Variants in SGK1 observed in about 807,000 individuals in gnomAD.
The protein encoded by SGK1 is serum/glucocorticoid regulated kinase 1.
In SGK1, 26 loss-of-function variants were observed where a neutral mutation model predicts 64.2. That is an observed-to-expected ratio of 0.40 (90% CI 0.30 to 0.56). The LOEUF (loss-of-function observed/expected upper bound fraction) is 0.56, where lower values mean the gene tolerates loss of function less well. Among genes scored for constraint, SGK1 ranks in the 20% least tolerant of loss-of-function variants. The pLI is 0.38. For missense variants in SGK1, 519 were observed against 645.6 expected, an observed-to-expected ratio of 0.80 and a Z score of 2.12; for synonymous variants, 265 against 239.7, an observed-to-expected ratio of 1.11 and a Z score of -0.98.
chr6:134,216,083 CTTTTT>C, intron 2 of SGK1, among the ~76,000 whole-genome samples: 1 of 152,002 alleles, frequency 6.6e-6, no homozygotes, highest in East Asian at 1.9e-4. Context: ...TTTTTTAAAA[CTTTTT>C]TTCTTTTTAT....
intron 3 of SGK1, among the ~76,000 whole-genome samples, chr6:134,206,377 ATATATATTTTTTTTTTTTTTTTTTT>A (rs1775782750): frequency 2.4e-4 from 1 of 4,154 alleles, no homozygotes; most frequent in African/African-American, 6.5e-4. Context: ...ATATATATAT[ATATATATTTTTTTTTTTTTTTTTTT>A]TTTTTAAATG....
chr6:134,313,147 G>T (rs766881809), intron 1 of SGK1, among the ~76,000 whole-genome samples: 42 of 152,218 alleles, frequency 2.8e-4, no homozygotes, highest in Non-Finnish European at 4.8e-4. Context: ...TGCCATTTAA[G>T]TCATAGTTAT....
rs774293626 is a variant in SGK1 at position 134,174,546 on chromosome 6, A to G, written c.402T>C (p.Ile134=). ...KQRRMGLNDF[I]QKIANNSYAC... is the part of the protein sequence containing the mutation. The stretch of plus-strand genomic sequence containing the variant: ...CATAGGAGTTATTGGCAATCTTCTG[A>G]ATAAAGTCGTTCAGACCCATCCTCC... Residue 134 remains isoleucine, a synonymous_variant, in exon 4 of 14, where the codon ATT becomes ATC. Coordinates refer to ENST00000367858, the MANE Select transcript of SGK1 (RefSeq NM_001143676.3). 6.2e-7 allele frequency: 1 copy of G among 1,614,050 alleles called. No individual in the cohort carries two copies. Among genetic ancestry groups the G allele is most frequent in the Non-Finnish European group, 8.5e-7 (1 of 1,179,894 alleles).
rs1562259716 is a variant in SGK1, at chr6:134,232,417, A to AAGAAAGAGAGAGAGAG, written c.286-24987_286-24986insCTCTCTCTCTCTTTCT. ...GAAAGAAGAAAAAGAAAGAAAGAGA[A>AAGAAAGAGAGAGAGAG]AGAAAGAAAGAAAGAAAGAAAGAAA... On this transcript the variant is annotated intron_variant, in intron 2 of 13. Transcript: ENST00000367858. 1.7e-3 allele frequency among the ~76,000 whole-genome samples: 37 copies of AAGAAAGAGAGAGAGAG among 21,506 alleles called. 1 individual carries two copies. Among genetic ancestry groups the AAGAAAGAGAGAGAGAG allele is most frequent in the African/African-American group, 5.0e-3 (36 of 7,198 alleles). 14.1% of individuals were successfully genotyped at this position (21,506 alleles called of 152,430 possible). A position where few individuals can be genotyped will look rare whatever the true frequency, so the allele number is the denominator to read the frequency against.
chr6:134,206,887 A>AC lies in SGK1; in HGVS notation c.361+468_361+469insG, dbSNP rs796936863. 3.0e-3 allele frequency among the ~76,000 whole-genome samples: 267 copies of AC among 88,060 alleles called. 5 individuals carry two copies. Among genetic ancestry groups the AC allele is most frequent in the African/African-American group, 7.6e-3 (255 of 33,430 alleles). The allele number at this position is 88,060 out of a possible 152,430, so 57.8% of individuals were successfully genotyped here. On this transcript the variant is annotated intron_variant, in intron 3 of 13. Transcript: ENST00000367858. ...GTCTCCAGAAAAAAAAAAAAAACAA[A>AC]AAAAAAATTAATTGCAGTGTATTCG...
At chr6:134,261,778 T>G (rs779783838) in intron 2 of SGK1, 155 bp downstream of exon 2, 4 of 658,214 alleles carry the variant, frequency 6.1e-6, no homozygotes, top group Non-Finnish European at 1.1e-5. Context: ...AATAACATAA[T>G]GAGCTAACAA....
At position 134,214,250 on chromosome 6, in the gene SGK1, T is replaced by G. The variant is rs182644351; in HGVS notation, c.286-6819A>C. 2.5e-4 allele frequency among the ~76,000 whole-genome samples: 38 copies of G among 152,004 alleles called. No homozygotes were observed. In the East Asian group the frequency reaches 6.8e-3, roughly 27 times the overall value. On this transcript the variant is annotated intron_variant, in intron 2 of 13. Coordinates refer to ENST00000367858, the MANE Select transcript of SGK1 (RefSeq NM_001143676.3). Reference sequence around the variant, plus strand: ...TTCTTCAGAATGTGTTTCTGACAACTTTTTTTTGCCTAACCACCATGCCAT... The same window carrying G: ...TTCTTCAGAATGTGTTTCTGACAACGTTTTTTTGCCTAACCACCATGCCAT...
intron 3 of SGK1, among the ~76,000 whole-genome samples, chr6:134,206,169 T>C (rs1213455664): frequency 6.6e-6 from 1 of 151,632 alleles, no homozygotes; most frequent in Non-Finnish European, 1.5e-5. Flanking sequence ...TTCTGAAGTA[T>C]GATTCACCCT....
intron 2 of SGK1, among the ~76,000 whole-genome samples, chr6:134,238,584 T>G (rs1776397754): frequency 1.0e-4 from 1 of 9,792 alleles, no homozygotes; most frequent in African/African-American, 2.1e-4. Flanking sequence ...AAGTCAGTGT[T>G]TTTTTTTTTA....
intron 2 of SGK1, among the ~76,000 whole-genome samples, chr6:134,246,499 G>A (rs951070408): frequency 2.5e-4 from 38 of 152,024 alleles, no homozygotes; most frequent in Admixed American, 1.8e-3. Context: ...GGGTGAAGAT[G>A]GGGGAGGACA....
intron 3 of SGK1, among the ~76,000 whole-genome samples, chr6:134,191,426 A>G (rs1013463628): frequency 6.6e-6 from 1 of 152,144 alleles, no homozygotes; most frequent in African/African-American, 2.4e-5. Flanking sequence ...ACTAGCATCA[A>G]TCGTTAAAGT....
chr6:134,300,042 A>T (rs1039512056), intron 1 of SGK1, among the ~76,000 whole-genome samples: 2 of 152,170 alleles, frequency 1.3e-5, no homozygotes, highest in African/African-American at 2.4e-5. Flanking sequence ...GGCTTCTAAC[A>T]TCATATTTGC....
Position 134,214,956 on chromosome 6 carries a change from A to G in SGK1, c.286-7525T>C, listed in dbSNP as rs897614562. On this transcript the variant is annotated intron_variant, in intron 2 of 13. Transcript: ENST00000367858. The stretch of plus-strand genomic sequence containing the variant: ...GAAGAAAGATCATATTTAGAAGGTA[A>G]CCGTTGAATGTTTAATCACTATTGT... 4.3e-5 allele frequency: 18 copies of G among 414,848 alleles called. 1 individual carries two copies. The highest frequency in any genetic ancestry group is 4.8e-6 in the Non-Finnish European group (1 of 209,182). The allele number at this position is 414,848 out of a possible 1,614,324, so 25.7% of individuals were successfully genotyped here.
chr6:134,305,828 C>T (rs1316602378), intron 1 of SGK1, among the ~76,000 whole-genome samples: 3 of 152,032 alleles, frequency 2.0e-5, no homozygotes, highest in Non-Finnish European at 2.9e-5. Context: ...GGAACTTTAA[C>T]ATAAACCAAA....
intron 2 of SGK1, among the ~76,000 whole-genome samples, chr6:134,213,993 T>G (rs1205170904): frequency 6.6e-6 from 1 of 152,228 alleles, no homozygotes; most frequent in Non-Finnish European, 1.5e-5. Flanking sequence ...AATATTTTGC[T>G]AATCTTATTT....
intron 3 of SGK1, chr6:134,180,425 A>T (rs1775313886): frequency 6.6e-6 from 1 of 152,246 alleles, no homozygotes; most frequent in Non-Finnish European, 1.5e-5. Context: ...AATTGTATGT[A>T]TGTGACAACT....
intron 1 of SGK1, among the ~76,000 whole-genome samples, chr6:134,289,539 C>T (rs1777232380): frequency 6.6e-6 from 1 of 152,000 alleles, no homozygotes; most frequent in South Asian, 2.1e-4. Context: ...ACTCAATGTA[C>T]CCCCAACATT....
At chr6:134,175,048 G>C (rs1775184772) in intron 3 of SGK1, among the ~76,000 whole-genome samples, 1 of 152,144 alleles carries the variant, frequency 6.6e-6, no homozygotes, top group Admixed American at 6.5e-5. Flanking sequence ...GCGAGCCCCG[G>C]GCGGGGGCGC....
chr6:134,308,936 A>AAGAG (rs1777573380), intron 1 of SGK1, among the ~76,000 whole-genome samples: 1 of 152,106 alleles, frequency 6.6e-6, no homozygotes, highest in African/African-American at 2.4e-5. Flanking sequence ...GAGAGAGAGA[A>AAGAG]AGAGAGAGAG....
Sources: allele counts gnomAD v4.1 joint callset (sites outside exome capture counted in the v4.1 genomes callset), GRCh38; gene constraint gnomAD v4.1.1; transcripts MANE v1.5; gene names NCBI Gene and HGNC (gene_info 2026-07-23, HGNC 2026-07-21).